Variants in ZMYND11 observed in about 807,000 individuals in gnomAD.
ZMYND11 encodes the protein zinc finger MYND domain-containing protein 11.
ZMYND11 carries 9 observed loss-of-function variants against 84.9 expected under a neutral mutation model. That is an observed-to-expected ratio of 0.11 (90% CI 0.06 to 0.18). The LOEUF (loss-of-function observed/expected upper bound fraction) is 0.18. Ranked by LOEUF, ZMYND11 falls within the 10% of genes least tolerant of loss-of-function variation. The pLI is 1.00. For missense variants in ZMYND11, 409 were observed against 761.0 expected, an observed-to-expected ratio of 0.54 and a Z score of 5.44; for synonymous variants, 250 against 244.1, an observed-to-expected ratio of 1.02 and a Z score of -0.23.
chr10:220,787 T>A (rs767026219), intron 3 of ZMYND11, among the ~76,000 whole-genome samples: 30 of 151,686 alleles, frequency 2.0e-4, no homozygotes, highest in Non-Finnish European at 3.7e-4. Context: ...TCAAGGACTG[T>A]TATATATATA....
chr10:162,740 A>T lies in ZMYND11; in HGVS notation c.-19-17254A>T, dbSNP rs1158115814. The stretch of plus-strand genomic sequence containing the variant: ...ATTTTTATTCTGTTTGCCAAAGTTT[A>T]TTTAAGATTTTGGCATGGATGTTAA... On this transcript the variant is annotated intron_variant, in intron 1 of 14. Coordinates refer to ENST00000381604, the MANE Select transcript of ZMYND11 (RefSeq NM_001370100.5). Among the ~76,000 whole-genome samples the T allele has an allele frequency of 2.0e-5, 3 of 152,146 alleles. No homozygotes were observed. In the East Asian group the frequency reaches 5.8e-4, roughly 29 times the overall value.
chr10:219,376 ATT>A (rs1170715806), intron 3 of ZMYND11, among the ~76,000 whole-genome samples: 1 of 151,938 alleles, frequency 6.6e-6, no homozygotes, highest in Admixed American at 6.5e-5. Context: ...TCTTTTTAAT[ATT>A]GAGTCAAATA....
rs528139884 is a variant in ZMYND11, at chr10:248,988, A to G, written c.1586A>G (p.Lys529Arg). The G allele has an allele frequency of 8.7e-6, 14 of 1,614,244 alleles. No individual in the cohort carries two copies. Among genetic ancestry groups the G allele is most frequent in the East Asian group, 4.5e-5 (2 of 44,886 alleles). The change falls in exon 14 of 15, where the codon AAG becomes AGG. Residue 529 changes from lysine to arginine, a missense_variant. Physicochemically the swap from Lys to Arg is conservative, Grantham distance 26. This residue lies in a region of ZMYND11 where 141 missense variants were observed against 173.8 expected (regional missense o/e 0.81). Coordinates refer to ENST00000381604, the MANE Select transcript of ZMYND11 (RefSeq NM_001370100.5). ...NMQGEMDRKC[K>R]QVKEKCKEEF... ...CAGGGTGAGATGGACAGAAAATGTA[A>G]GCAAGTAAAGGAAAAGTGTAAGGAA...
At chr10:178,123 A>G (rs1227856724) in intron 1 of ZMYND11, among the ~76,000 whole-genome samples, 1 of 152,200 alleles carries the variant, frequency 6.6e-6, no homozygotes, top group Non-Finnish European at 1.5e-5. Flanking sequence ...AGCGAGAAGT[A>G]GTGTCTCCCT....
chr10:212,560 CTTTA>C (rs1001999136), intron 3 of ZMYND11, among the ~76,000 whole-genome samples: 1 of 151,310 alleles, frequency 6.6e-6, no homozygotes, highest in African/African-American at 2.4e-5. Context: ...CAATTCAAGC[CTTTA>C]TTTAGTTATG....
At chr10:235,009 T>TGTGTGTGTGTGTGTGTGTGTGA (rs1214254104) in intron 4 of ZMYND11, among the ~76,000 whole-genome samples, 1 of 151,552 alleles carries the variant, frequency 6.6e-6, no homozygotes, top group Non-Finnish European at 1.5e-5. Context: ...TGTGTGTGTG[T>TGTGTGTGTGTGTGTGTGTGTGA]GAAAAGCACT....
At chr10:185,323 A>T (rs1937937003) in intron 2 of ZMYND11, among the ~76,000 whole-genome samples, 1 of 151,902 alleles carries the variant, frequency 6.6e-6, no homozygotes, top group African/African-American at 2.4e-5. Flanking sequence ...AAATTTTGGG[A>T]TACATAGGAG....
intron 4 of ZMYND11, among the ~76,000 whole-genome samples, chr10:223,694 A>C (rs942054057): frequency 1.3e-5 from 2 of 152,214 alleles, no homozygotes; most frequent in Non-Finnish European, 1.5e-5. Flanking sequence ...ATTCAAGAAA[A>C]AGATAAGTAC....
intron 10 of ZMYND11, among the ~76,000 whole-genome samples, 167 bp from the exon 11 acceptor site, chr10:246,599 G>A (rs1461344631): frequency 2.6e-5 from 4 of 152,056 alleles, no homozygotes; most frequent in East Asian, 1.9e-4. Flanking sequence ...TGTGGTTTTC[G>A]CAATTAAAAG....
intron 4 of ZMYND11, among the ~76,000 whole-genome samples, chr10:225,148 G>C (rs1169287830): frequency 6.6e-6 from 1 of 152,124 alleles, no homozygotes; most frequent in African/African-American, 2.4e-5. Context: ...ATGTAATTCT[G>C]TCTGAACACC....
At chr10:223,023 T>C (rs1947402526) in intron 4 of ZMYND11, among the ~76,000 whole-genome samples, 1 of 99,438 alleles carries the variant, frequency 1.0e-5, no homozygotes, top group South Asian at 4.6e-4. Flanking sequence ...ATTTTGTGTT[T>C]CCTTTACTCT....
rs1433632258 is a variant in ZMYND11 at position 244,296 on chromosome 10, G to A, written c.950+2157G>A. On this transcript the variant is annotated intron_variant, in intron 10 of 14. Transcript: ENST00000381604. ...GCAAGTTTTGGCTAATTATTCTTCT[G>A]CTAGTCCATCATATCATTACATGTA... Among the ~76,000 whole-genome samples the A allele has an allele frequency of 2.6e-5, 4 of 152,260 alleles. No homozygotes were observed. The East Asian group carries it at 7.7e-4, about 29-fold the overall frequency.
At chr10:171,092 G>A (rs144418710) in intron 1 of ZMYND11, among the ~76,000 whole-genome samples, 1,534 of 152,272 alleles carry the variant, frequency 0.01, 24 homozygotes, top group African/African-American at 0.029. Flanking sequence ...AGTACATAAT[G>A]ATAAAGGAGT....
chr10:225,868 T>A (rs1948030253), intron 4 of ZMYND11, among the ~76,000 whole-genome samples: 1 of 152,208 alleles, frequency 6.6e-6, no homozygotes, highest in Non-Finnish European at 1.5e-5. Context: ...GCCAGCCTGC[T>A]GGGGTGGCAC....
intron 4 of ZMYND11, among the ~76,000 whole-genome samples, chr10:224,895 A>G (rs545925175): frequency 2.4e-4 from 37 of 152,318 alleles, no homozygotes; most frequent in African/African-American, 8.7e-4. Flanking sequence ...CCCATTTCCA[A>G]CTTCTGAGGA....
intron 12 of ZMYND11, 121 bp downstream of exon 12, chr10:247,587 C>A: frequency 5.7e-6 from 6 of 1,053,608 alleles, no homozygotes; most frequent in Non-Finnish European, 8.5e-6. Context: ...TGAAATTCAG[C>A]TGCTGTCAGT....
At chr10:151,994 C>A (rs1840488165) in intron 1 of ZMYND11, among the ~76,000 whole-genome samples, 1 of 152,128 alleles carries the variant, frequency 6.6e-6, no homozygotes, top group Non-Finnish European at 1.5e-5. Flanking sequence ...GAAATAAAAT[C>A]CTTTACACAC....
chr10:207,994 A>C (rs1054254256), intron 2 of ZMYND11, among the ~76,000 whole-genome samples: 1 of 152,188 alleles, frequency 6.6e-6, no homozygotes, highest in African/African-American at 2.4e-5. Flanking sequence ...ATAATGCCGC[A>C]TATCTACAAC....
At chr10:245,635 T>G (rs1032251142) in intron 10 of ZMYND11, among the ~76,000 whole-genome samples, 1 of 152,212 alleles carries the variant, frequency 6.6e-6, no homozygotes, top group Non-Finnish European at 1.5e-5. Flanking sequence ...TCCCTCTGCC[T>G]GGAATCTCTC....
Sources: gnomAD v4.1 joint callset for allele counts (sites outside exome capture counted in the v4.1 genomes callset) on GRCh38, gnomAD v4.1.1 for gene constraint, gnomAD v4.1.1 regional missense constraint, MANE v1.5 for transcripts, NCBI Gene and HGNC (gene_info 2026-07-23, HGNC 2026-07-21) for gene names.